The following RHBDL3 variants were observed in gnomAD, a reference collection of about 807,000 sequenced individuals.
RHBDL3 encodes the protein rhomboid like 3, also known as rhomboid-related protein 3.
RHBDL3 carries 28 observed loss-of-function variants against 48.2 expected under a neutral mutation model. That is an observed-to-expected ratio of 0.58 (90% confidence interval 0.43 to 0.80). The LOEUF (loss-of-function observed/expected upper bound fraction) is 0.80, where lower values mean the gene tolerates loss of function less well. RHBDL3 is among the 30% of genes least tolerant of loss of function. The pLI is 0.00. For synonymous variants in RHBDL3, 208 were observed against 232.3 expected, an observed-to-expected ratio of 0.90 and a Z score of 0.95; for missense variants, 464 against 542.7, an observed-to-expected ratio of 0.85 and a Z score of 1.44.
rs2040597149 is a variant in RHBDL3, at chr17:32,302,125, T to C, written c.782-3216T>C. ...GTCACTCCAGTTTGCCATTCTCTCC[T>C]AGTCCTCTGCCTCCATGACCTCTGT... On this transcript the variant is annotated intron_variant, in intron 6 of 8. Transcript: ENST00000269051. Among the ~76,000 whole-genome samples, 3 of 152,358 alleles carry C rather than the reference T, an allele frequency of 2.0e-5. No individual in the cohort carries two copies. In the South Asian group the frequency reaches 6.2e-4, roughly 32 times the overall value.
intron 2 of RHBDL3, among the ~76,000 whole-genome samples, chr17:32,279,547 G>A (rs7210096): frequency 0.57 from 86,661 of 152,060 alleles, 27,919 homozygotes; most frequent in African/African-American, 0.89. Flanking sequence ...AAATGACCCC[G>A]GCCCTTCCTC....
chr17:32,274,216 G>T (rs2039842074), intron 2 of RHBDL3, among the ~76,000 whole-genome samples: 1 of 152,208 alleles, frequency 6.6e-6, no homozygotes, highest in African/African-American at 2.4e-5. Flanking sequence ...AGAGGGTGAA[G>T]GGTGAGACGA....
At position 32,288,825 on chromosome 17, in the gene RHBDL3, G is replaced by A. The variant is rs2040257779; in HGVS notation, c.328G>A (p.Ala110Thr). 6.2e-7 allele frequency: 1 copy of A among 1,613,526 alleles called. No individual in the cohort carries two copies. ...CAAGCGTTCCAACAGCTTCCGCCAAGCCATCCTGCAGGGCAACCGCAGGCT... is the reference window on the plus strand; with the variant it reads ...CAAGCGTTCCAACAGCTTCCGCCAAACCATCCTGCAGGGCAACCGCAGGCT... ...SNKRSNSFRQAILQGNRRLSS... is the reference protein window; with the variant it reads ...SNKRSNSFRQTILQGNRRLSS... The change falls in exon 4 of 9, where the codon GCC becomes ACC. Residue 110 changes from alanine to threonine, a missense_variant. Physicochemically the swap from Ala to Thr is moderately conservative, Grantham distance 58. Transcript: ENST00000269051.
In RHBDL3 at chr17:32,305,371, C is replaced by T. The variant is rs767977861; in HGVS notation, c.812C>T (p.Thr271Ile). 4.3e-6 allele frequency: 7 copies of T among 1,613,784 alleles called. No homozygotes were observed. In the South Asian group the frequency reaches 7.7e-5, roughly 18 times the overall value. ...TTGGCAGTGTCTGTGGCTGACATGA[C>T]CGCTCCAGTCGTGGGCTCTTCTGGA... ...GSLAVSVADM[T>I]APVVGSSGGV... The change falls in exon 7 of 9, where the codon ACC becomes ATC. Residue 271 changes from threonine to isoleucine, a missense_variant. Physicochemically the swap from Thr to Ile is moderately conservative, Grantham distance 89. Coordinates refer to ENST00000269051, the MANE Select transcript of RHBDL3 (RefSeq NM_138328.3).
chr17:32,265,865 C>T lies in RHBDL3; in HGVS notation c.-325C>T, dbSNP rs889866429. On this transcript the variant is annotated 5_prime_UTR_variant, in exon 1 of 9. Transcript: ENST00000269051. ...GGGGCCGCGAGAAGCGGGAAGGGAGCGCGGGGAGCGGCGGGGCCGGGGCCG... is the reference window on the plus strand; with the variant it reads ...GGGGCCGCGAGAAGCGGGAAGGGAGTGCGGGGAGCGGCGGGGCCGGGGCCG... Among the ~76,000 whole-genome samples, 1 of 147,222 alleles carries T rather than the reference C, an allele frequency of 6.8e-6. No individual in the cohort carries two copies. The highest frequency in any genetic ancestry group is 1.5e-5 in the Non-Finnish European group (1 of 66,056).
chr17:32,317,120 G>T (rs554948983), intron 8 of RHBDL3, among the ~76,000 whole-genome samples: 4 of 152,140 alleles, frequency 2.6e-5, no homozygotes, highest in African/African-American at 9.6e-5. Context: ...TGATCTGCCC[G>T]CCTTGGCCTC....
intron 2 of RHBDL3, chr17:32,280,601 T>C (rs1238223104): frequency 6.6e-6 from 1 of 152,230 alleles, no homozygotes; most frequent in East Asian, 1.9e-4. Context: ...GCCCAGGCCC[T>C]GGTGAGCTGC....
chr17:32,298,266 G>T, intron 6 of RHBDL3, 62 bp downstream of exon 6: 1 of 1,113,466 alleles, frequency 9.0e-7, no homozygotes, highest in South Asian at 1.4e-5. Context: ...GGGAGACCCT[G>T]TGGGGCGGGG....
At chr17:32,288,588 A>G (rs1033672115) in intron 3 of RHBDL3, among the ~76,000 whole-genome samples, 26 of 152,220 alleles carry the variant, frequency 1.7e-4, no homozygotes, top group Non-Finnish European at 7.3e-5. Flanking sequence ...TGATCATCAA[A>G]TGAGCCAAAA....
chr17:32,293,866 G>A (rs549235072), intron 4 of RHBDL3, among the ~76,000 whole-genome samples: 4 of 152,182 alleles, frequency 2.6e-5, no homozygotes, highest in South Asian at 2.1e-4. Flanking sequence ...AGTGGCTCAC[G>A]CCTGTAATTG....
chr17:32,277,076 C>T (rs540609959), intron 2 of RHBDL3, among the ~76,000 whole-genome samples: 8 of 152,308 alleles, frequency 5.3e-5, no homozygotes, highest in East Asian at 1.9e-4. Flanking sequence ...AATGGGGATC[C>T]GGGTGGGAAC....
intron 4 of RHBDL3, among the ~76,000 whole-genome samples, chr17:32,291,718 G>T (rs975096782): frequency 6.6e-6 from 1 of 151,252 alleles, no homozygotes; most frequent in South Asian, 2.1e-4. Context: ...TCTTCCTGGG[G>T]TTGCTGGAGA....
intron 6 of RHBDL3, among the ~76,000 whole-genome samples, chr17:32,301,843 G>A (rs757240219): frequency 1.5e-4 from 23 of 151,806 alleles, no homozygotes; most frequent in Non-Finnish European, 2.9e-4. Context: ...GGAAAGATAC[G>A]TAAATAAAGT....
chr17:32,306,874 T>C (rs1207273870), intron 7 of RHBDL3, among the ~76,000 whole-genome samples: 2 of 152,072 alleles, frequency 1.3e-5, no homozygotes, highest in African/African-American at 2.4e-5. Context: ...TGAGCAGAGA[T>C]TGCACCACTG....
chr17:32,303,698 G>A (rs1277655240), intron 6 of RHBDL3, among the ~76,000 whole-genome samples: 1 of 152,028 alleles, frequency 6.6e-6, no homozygotes, highest in Non-Finnish European at 1.5e-5. Flanking sequence ...ACCAAGAATT[G>A]GTTGTGGGGA....
chr17:32,267,529 AGCTGT>A, intron 1 of RHBDL3, among the ~76,000 whole-genome samples: 1 of 151,662 alleles, frequency 6.6e-6, no homozygotes, highest in East Asian at 1.9e-4. Context: ...GCCTGGGAGT[AGCTGT>A]GGACATAAGC....
chr17:32,310,667 C>T (rs1262293561), intron 7 of RHBDL3, among the ~76,000 whole-genome samples: 6 of 151,332 alleles, frequency 4.0e-5, no homozygotes, highest in South Asian at 2.1e-4. Context: ...GAGCCAAGAT[C>T]GTGCCACTGC....
At chr17:32,283,433 C>G (rs150160473) in intron 2 of RHBDL3, among the ~76,000 whole-genome samples, 105 of 150,174 alleles carry the variant, frequency 7.0e-4, no homozygotes, top group African/African-American at 2.5e-3. Flanking sequence ...GCCATACTCT[C>G]CTGCCTCAGC....
intron 8 of RHBDL3, among the ~76,000 whole-genome samples, 194 bp downstream of exon 8, chr17:32,316,486 ATTTAT>A (rs949878829): frequency 9.5e-4 from 144 of 152,212 alleles, no homozygotes; most frequent in African/African-American, 3.3e-3. Flanking sequence ...TTCATCTTTT[ATTTAT>A]TTATCTATTT....
Sources: gnomAD v4.1 joint callset for allele counts (sites outside exome capture counted in the v4.1 genomes callset) on GRCh38, gnomAD v4.1.1 for gene constraint, MANE v1.5 for transcripts, NCBI Gene and HGNC (gene_info 2026-07-23, HGNC 2026-07-21) for gene names.